IL12RB1: variants seen among roughly 807,000 people sequenced by gnomAD.
The protein encoded by IL12RB1 is interleukin-12 receptor subunit beta-1.
In IL12RB1, 64 loss-of-function variants were observed where a neutral mutation model predicts 94.4. The ratio of observed to expected loss-of-function variants is 0.68; its 90% CI spans 0.55 to 0.83. IL12RB1 has a LOEUF of 0.83. Among genes scored for constraint, IL12RB1 ranks in the 40% least tolerant of loss-of-function variants. The pLI, the probability that IL12RB1 is intolerant of heterozygous loss-of-function variation, is 0.00. For missense variants in IL12RB1, 814 were observed against 855.6 expected (o/e 0.95, Z 0.61); for synonymous variants, 362 against 355.5 (o/e 1.02, Z -0.21).
At chr19:18,064,909 T>A (rs888306120) in intron 12 of IL12RB1, among the ~76,000 whole-genome samples, 1 of 152,150 alleles carries the variant, frequency 6.6e-6, no homozygotes, top group Non-Finnish European at 1.5e-5. Flanking sequence ...CGCCCACCAG[T>A]GTGCCATGTC....
At chr19:18,079,426 A>G (rs751404893) in intron 4 of IL12RB1, among the ~76,000 whole-genome samples, 3 of 151,726 alleles carry the variant, frequency 2.0e-5, no homozygotes, top group Admixed American at 1.3e-4. Context: ...CTTTTAGCAA[A>G]TTTTCAATAT....
Position 18,081,080 on chromosome 19 carries a change from A to G in IL12RB1, c.240-79T>C, listed in dbSNP as rs1357131950. On this transcript the variant is annotated intron_variant, in intron 3 of 16. Transcript: ENST00000593993. Reference sequence around the variant, plus strand: ...CAGCCGACTTTGTGCATCACATCCCAGCATCGTTTTTTTGGTGTTTGTTTG... The same window carrying G: ...CAGCCGACTTTGTGCATCACATCCCGGCATCGTTTTTTTGGTGTTTGTTTG... The G allele has an allele frequency of 3.8e-6, 5 of 1,314,718 alleles. No individual in the cohort carries two copies. In the East Asian group the frequency reaches 9.7e-5, roughly 25 times the overall value. 81.4% of individuals were successfully genotyped at this position (1,314,718 alleles called of 1,614,324 possible). A position where few individuals can be genotyped will look rare whatever the true frequency, so the allele number is the denominator to read the frequency against.
intron 12 of IL12RB1, among the ~76,000 whole-genome samples, chr19:18,065,677 G>A (rs1380719570): frequency 1.3e-5 from 2 of 152,110 alleles, no homozygotes; most frequent in Non-Finnish European, 2.9e-5. Context: ...AAATTTGCCA[G>A]GCATGGTGGT....
At chr19:18,074,614 G>A (rs1014942873) in intron 7 of IL12RB1, among the ~76,000 whole-genome samples, 1 of 152,244 alleles carries the variant, frequency 6.6e-6, no homozygotes, top group African/African-American at 2.4e-5. Context: ...GGGCGTGGTG[G>A]TGCATGCCTG....
intron 1 of IL12RB1, 24 bp downstream of exon 1, chr19:18,086,736 C>T: frequency 6.3e-7 from 1 of 1,599,906 alleles, no homozygotes; most frequent in Non-Finnish European, 8.5e-7. Flanking sequence ...AGAGGAGCCG[C>T]CATGCCAGGG....
chr19:18,083,971 T>A (rs1291317635), intron 1 of IL12RB1, among the ~76,000 whole-genome samples: 3 of 128,236 alleles, frequency 2.3e-5, no homozygotes, highest in Non-Finnish European at 4.6e-5. Flanking sequence ...ATCCATGTAT[T>A]CATCCATCCA....
chr19:18,065,063 A>C (rs909085705), intron 12 of IL12RB1, among the ~76,000 whole-genome samples: 1 of 152,160 alleles, frequency 6.6e-6, no homozygotes, highest in East Asian at 1.9e-4. Flanking sequence ...GCGGGTATAA[A>C]TATGAGACGT....
At chr19:18,075,056 AAAAAAACAAC>A (rs537621291) in intron 7 of IL12RB1, among the ~76,000 whole-genome samples, 205 of 151,516 alleles carry the variant, frequency 1.4e-3, no homozygotes, top group African/African-American at 3.4e-3. Flanking sequence ...CGTCTCAAAA[AAAAAAACAAC>A]AAAAAACAAC....
At chr19:18,074,530 T>A (rs1226080321) in intron 7 of IL12RB1, among the ~76,000 whole-genome samples, 1 of 152,012 alleles carries the variant, frequency 6.6e-6, no homozygotes, top group East Asian at 1.9e-4. Context: ...GGAGGATCAC[T>A]TGAGGCCAGG....
chr19:18,075,645 C>T, intron 7 of IL12RB1, 104 bp downstream of exon 7: 1 of 1,029,752 alleles, frequency 9.7e-7, no homozygotes. Context: ...GATCCTCCCG[C>T]CTCAGCCTTC....
intron 1 of IL12RB1, among the ~76,000 whole-genome samples, chr19:18,083,976 CATCCATGT>C (rs2036116363): frequency 6.7e-6 from 1 of 150,024 alleles, no homozygotes; most frequent in African/African-American, 2.5e-5. Context: ...TGTATTCATC[CATCCATGT>C]ATTCATCCAT....
chr19:18,072,020 C>T, intron 9 of IL12RB1, 92 bp downstream of exon 9: 2 of 903,468 alleles, frequency 2.2e-6, no homozygotes, highest in Non-Finnish European at 3.7e-6. Context: ...AATTTTCTGC[C>T]TCGCTCCTCT....
chr19:18,063,939 G>T lies in IL12RB1; in HGVS notation c.1555C>A (p.Gln519Lys), dbSNP rs368321453. 1.2e-5 allele frequency: 19 copies of T among 1,612,944 alleles called. No individual in the cohort carries two copies. In the African/African-American group the frequency reaches 2.5e-4, roughly 22 times the overall value. ...GLRAGVAYTV[Q>K]VRADTAWLRG... ...AGCCACGCTGTGTCTGCTCGCACCTGCACCGTGTAGGCTACACCAGCCCGC... is the reference window on the plus strand; with the variant it reads ...AGCCACGCTGTGTCTGCTCGCACCTTCACCGTGTAGGCTACACCAGCCCGC... The change falls in exon 13 of 17, where the codon CAG becomes AAG. Residue 519 changes from glutamine to lysine, a missense_variant. Coordinates refer to ENST00000593993, the MANE Select transcript of IL12RB1 (RefSeq NM_005535.3).
At chr19:18,089,343 G>A (rs939340268), upstream of IL12RB1, among the ~76,000 whole-genome samples, 1 of 151,978 alleles carries the variant, frequency 6.6e-6, no homozygotes, top group Non-Finnish European at 1.5e-5. Flanking sequence ...ATGAATTTCC[G>A]GCCCGGGCGC....
intron 7 of IL12RB1, among the ~76,000 whole-genome samples, chr19:18,075,146 G>T (rs953430310): frequency 6.6e-5 from 10 of 151,556 alleles, no homozygotes; most frequent in Non-Finnish European, 1.2e-4. Context: ...ATGCCACATT[G>T]TCAGGGTTTG....
In IL12RB1 at chr19:18,059,452, G is replaced by T; in HGVS notation, c.*156C>A. Reference sequence around the variant, plus strand: ...GCTTCCATTTCATGGCAGCATCTAGGGTTCCCCCGCAGGATGGGTGGCAAC... The same window carrying T: ...GCTTCCATTTCATGGCAGCATCTAGTGTTCCCCCGCAGGATGGGTGGCAAC... On this transcript the variant is annotated 3_prime_UTR_variant, in exon 17 of 17. Coordinates refer to ENST00000593993, the MANE Select transcript of IL12RB1 (RefSeq NM_005535.3). The T allele has an allele frequency of 1.5e-6, 1 of 648,920 alleles. No homozygotes were observed. The allele number at this position is 648,920 out of a possible 1,614,324, so 40.2% of individuals were successfully genotyped here.
intron 1 of IL12RB1, among the ~76,000 whole-genome samples, chr19:18,093,561 A>G (rs1250511770): frequency 6.6e-6 from 1 of 152,070 alleles, no homozygotes; most frequent in South Asian, 2.1e-4. Flanking sequence ...CACATGCCCA[A>G]CCCAACCCTG....
upstream of IL12RB1, among the ~76,000 whole-genome samples, chr19:18,088,665 A>G (rs1193353925): frequency 6.6e-6 from 1 of 150,670 alleles, no homozygotes; most frequent in Non-Finnish European, 1.5e-5. Context: ...CTCCCTCCCC[A>G]CTGTCGGCAA....
chr19:18,071,798 A>C (rs1232274171), intron 9 of IL12RB1, among the ~76,000 whole-genome samples: 2 of 152,090 alleles, frequency 1.3e-5, no homozygotes, highest in African/African-American at 4.8e-5. Context: ...CAGCCTCCCA[A>C]GTAGCTGGGA....
Sources: gnomAD v4.1 joint callset for allele counts (sites outside exome capture counted in the v4.1 genomes callset) on GRCh38, gnomAD v4.1.1 for gene constraint, MANE v1.5 for transcripts, NCBI Gene and HGNC (gene_info 2026-07-23, HGNC 2026-07-21) for gene names.